PYGB: variants seen among roughly 807,000 people sequenced by gnomAD.
The protein encoded by PYGB is glycogen phosphorylase, brain form.
Under a neutral mutation model 94.3 loss-of-function variants are expected in PYGB, and 82 were observed. That is an observed-to-expected ratio of 0.87 (90% CI 0.73 to 1.04). PYGB has a LOEUF of 1.04. Among genes scored for constraint, PYGB ranks in the 50% least tolerant of loss-of-function variants. PYGB has a pLI of 0.00. For synonymous variants in PYGB, 488 were observed against 479.1 expected (o/e 1.02, Z -0.24); for missense variants, 1,132 against 1,158.2 (o/e 0.98, Z 0.33).
intron 14 of PYGB, among the ~76,000 whole-genome samples, chr20:25,286,073 G>C (rs532996445): frequency 6.6e-6 from 1 of 152,198 alleles, no homozygotes; most frequent in Non-Finnish European, 1.5e-5. Context: ...GAAGTCTGGC[G>C]ATGTCTGAGT....
intron 5 of PYGB, among the ~76,000 whole-genome samples, chr20:25,275,933 AC>A (rs2123559143): frequency 6.6e-6 from 1 of 152,348 alleles, no homozygotes; most frequent in Non-Finnish European, 1.5e-5. Context: ...TGGCAGTGCC[AC>A]AGGCACGTGT....
chr20:25,282,283 A>C (rs961663756), intron 12 of PYGB, 136 bp downstream of exon 12: 1 of 713,802 alleles, frequency 1.4e-6, no homozygotes, highest in Non-Finnish European at 2.3e-6. Context: ...GCTTCTGGAC[A>C]TGAGGGCTGA....
chr20:25,283,405 CAG>C (rs1421665642), intron 13 of PYGB, 128 bp downstream of exon 13: 1 of 759,632 alleles, frequency 1.3e-6, no homozygotes, highest in Admixed American at 2.7e-5. Context: ...AGTGGGGACT[CAG>C]AACAGGACTG....
intron 14 of PYGB, among the ~76,000 whole-genome samples, chr20:25,284,681 C>T (rs1395042777): frequency 6.6e-6 from 1 of 152,244 alleles, no homozygotes; most frequent in Non-Finnish European, 1.5e-5. Context: ...CCACTTCTGC[C>T]TCCCAAAAGG....
chr20:25,263,450 T>C (rs933158901), intron 2 of PYGB, among the ~76,000 whole-genome samples: 5 of 151,966 alleles, frequency 3.3e-5, no homozygotes, highest in Admixed American at 6.6e-5. Context: ...CTGAAGGAGA[T>C]AGAGACACAA....
At position 25,296,572 on chromosome 20, in the gene PYGB, T is replaced by C. The variant is rs759603088; in HGVS notation, c.*50T>C. The C allele has an allele frequency of 8.3e-6, 13 of 1,566,962 alleles. No homozygotes were observed. Among genetic ancestry groups the C allele is most frequent in the Admixed American group, 1.8e-5 (1 of 56,196 alleles). ...GCGGGCATTTGTTTTCTTGCTGACT[T>C]TGCACCTCCTTTTTTCCCCAAACAC... On this transcript the variant is annotated 3_prime_UTR_variant, in exon 20 of 20. Coordinates refer to ENST00000216962, the MANE Select transcript of PYGB (RefSeq NM_002862.4).
At chr20:25,262,666 T>TGGCA (rs1568685250) in intron 2 of PYGB, among the ~76,000 whole-genome samples, 8 of 145,314 alleles carry the variant, frequency 5.5e-5, no homozygotes, top group Middle Eastern at 3.4e-3. Context: ...TGCTCCATTT[T>TGGCA]GACTTGACTG....
At chr20:25,263,726 A>C (rs1287513674) in intron 2 of PYGB, among the ~76,000 whole-genome samples, 1 of 152,192 alleles carries the variant, frequency 6.6e-6, no homozygotes, top group Non-Finnish European at 1.5e-5. Flanking sequence ...CCAAGACTAA[A>C]CCAGGAAGAA....
At chr20:25,259,126 C>A in intron 1 of PYGB, 111 bp from the exon 2 acceptor site, 1 of 974,402 alleles carries the variant, frequency 1.0e-6, no homozygotes, top group Non-Finnish European at 1.5e-6. Context: ...ATGGGGTTGA[C>A]ATAAATGAAA....
chr20:25,248,910 C>G (rs1473891587), intron 1 of PYGB, among the ~76,000 whole-genome samples: 1 of 152,226 alleles, frequency 6.6e-6, no homozygotes, highest in African/African-American at 2.4e-5. Context: ...TTTGTGTACG[C>G]TGCTTAGAAG....
intron 18 of PYGB, chr20:25,294,967 C>T (rs777503986): frequency 1.2e-6 from 2 of 1,614,152 alleles, no homozygotes; most frequent in Admixed American, 1.7e-5. Flanking sequence ...CACCTGTTGG[C>T]TTCAGTCACA....
chr20:25,296,519 C>A lies in PYGB; in HGVS notation c.2529C>A (p.Asp843Glu). 6.2e-7 allele frequency: 1 copy of A among 1,612,324 alleles called. No homozygotes were observed. The highest frequency in any genetic ancestry group is 8.5e-7 in the Non-Finnish European group (1 of 1,179,250). ...TCCCGCCCCCCAACATCCCCCGGGA[C>A]TAGGCACACCCTGCCTTGGCGGGAC... ...LQIPPPNIPR[D>E] Residue 843 changes from aspartate (D) to glutamate (E), a missense_variant, in exon 20 of 20, where the codon GAC (aspartate) becomes GAA (glutamate). By Grantham distance (45) the Asp-to-Glu change is conservative (BLOSUM62 2). Transcript: ENST00000216962.
In PYGB at chr20:25,283,166, C is replaced by T. The variant is rs201325092; in HGVS notation, c.1519-10C>T. 4.2e-5 allele frequency: 67 copies of T among 1,608,946 alleles called. No individual in the cohort carries two copies. The highest frequency in any genetic ancestry group is 5.3e-5 in the African/African-American group (4 of 74,810). ...AGGCCCACAGTGAGCGGAACCTTTA[C>T]GTTCTCCAGAAAATTGGGGAGGAGT... is the stretch of plus-strand genomic sequence containing the variant. On this transcript the variant is annotated splice_polypyrimidine_tract_variant and intron_variant, in intron 12 of 19. Transcript: ENST00000216962.
At chr20:25,295,781 G>A in intron 19 of PYGB, 111 bp downstream of exon 19, 1 of 1,253,220 alleles carries the variant, frequency 8.0e-7, no homozygotes. Flanking sequence ...CTGGGCCAGA[G>A]GGGTTTGTGA....
intron 15 of PYGB, chr20:25,289,842 G>A (rs768298775): frequency 1.9e-6 from 1 of 533,474 alleles, no homozygotes; most frequent in Non-Finnish European, 3.8e-6. Flanking sequence ...CACAATGGGA[G>A]TAGACTGAAA....
At chr20:25,275,295 A>G (rs2123557850) in intron 5 of PYGB, among the ~76,000 whole-genome samples, 1 of 152,358 alleles carries the variant, frequency 6.6e-6, no homozygotes, top group East Asian at 1.9e-4. Context: ...GCAAGAGCCT[A>G]GAGTGCTCGG....
chr20:25,271,583 C>CTGGCGGGG, intron 4 of PYGB, 97 bp downstream of exon 4: 14 of 1,332,372 alleles, frequency 1.1e-5, no homozygotes, highest in Non-Finnish European at 1.5e-5. Flanking sequence ...CCCACGCCCC[C>CTGGCGGGG]GCCAGGGGAC....
intron 6 of PYGB, 56 bp downstream of exon 6, chr20:25,276,813 A>G: frequency 1.3e-6 from 2 of 1,488,020 alleles, no homozygotes; most frequent in South Asian, 1.2e-5. Context: ...GGTCCCAGAC[A>G]CCCTCGCCCA....
At chr20:25,276,611 GC>G (rs1568691254) in intron 5 of PYGB, 34 bp from the exon 6 acceptor site, 11 of 1,582,344 alleles carry the variant, frequency 7.0e-6, no homozygotes, top group Non-Finnish European at 1.7e-6. Context: ...GGGGGCCCTT[GC>G]CACTCCGTCC....
Sources: gnomAD v4.1 joint callset for allele counts (sites outside exome capture counted in the v4.1 genomes callset) on GRCh38, gnomAD v4.1.1 for gene constraint, MANE v1.5 for transcripts, NCBI Gene and HGNC (gene_info 2026-07-23, HGNC 2026-07-21) for gene names.